The following TSPEAR variants were observed in gnomAD, a reference collection of about 807,000 sequenced individuals.
The protein encoded by TSPEAR is thrombospondin-type laminin G domain and EAR repeat-containing protein.
A neutral mutation model predicts 71.6 loss-of-function variants in TSPEAR; 69 were observed. The ratio of observed to expected loss-of-function variants is 0.96; its 90% CI spans 0.79 to 1.18. The LOEUF (loss-of-function observed/expected upper bound fraction) is 1.18, where lower values mean the gene tolerates loss of function less well. TSPEAR is among the 50% of genes most tolerant of loss of function. The pLI, the probability that TSPEAR is intolerant of heterozygous loss-of-function variation, is 0.00. For missense variants in TSPEAR, 971 were observed against 894.9 expected, an observed-to-expected ratio of 1.09 and a Z score of -1.09; for synonymous variants, 402 against 387.2, an observed-to-expected ratio of 1.04 and a Z score of -0.45.
chr21:44,641,488 G>T lies in TSPEAR; in HGVS notation c.82+69945C>A, dbSNP rs460249. On this transcript the variant is annotated intron_variant, in intron 1 of 11. Coordinates refer to ENST00000323084, the MANE Select transcript of TSPEAR (RefSeq NM_144991.3). ...AAGGACAGAGATAAAGCCAAGAAGA[G>T]CCTGAGATCTGAGTGGGAAGAGCCC... is the stretch of plus-strand genomic sequence containing the variant. Among the ~76,000 whole-genome samples the T allele has an allele frequency of 3.3e-5, 5 of 152,300 alleles. No individual in the cohort carries two copies. The East Asian group carries it at 9.7e-4, about 29-fold the overall frequency.
At chr21:44,516,801 G>C (rs587625739) in intron 9 of TSPEAR, among the ~76,000 whole-genome samples, 2 of 151,970 alleles carry the variant, frequency 1.3e-5, no homozygotes, top group Admixed American at 6.5e-5. Context: ...CTTCGTCCTT[G>C]GACCTGTGAT....
At chr21:44,685,648 C>T (rs149056120) in intron 1 of TSPEAR, among the ~76,000 whole-genome samples, 297 of 152,294 alleles carry the variant, frequency 2.0e-3, no homozygotes, top group African/African-American at 5.9e-3. Flanking sequence ...GCTCTGCAGA[C>T]GCCAACGTGG....
intron 2 of TSPEAR, among the ~76,000 whole-genome samples, chr21:44,549,596 C>T (rs782349171): frequency 3.9e-4 from 59 of 152,232 alleles, no homozygotes; most frequent in East Asian, 1.9e-4. Flanking sequence ...TTGCGGGCAA[C>T]GTGGTGACGG....
At chr21:44,551,181 G>A (rs782138371) in intron 2 of TSPEAR, 10 of 1,597,498 alleles carry the variant, frequency 6.3e-6, no homozygotes, top group Non-Finnish European at 1.7e-6. Flanking sequence ...CTGGCAGGGG[G>A]AGGAGGTGCA....
chr21:44,563,569 A>T (rs2053666558), intron 2 of TSPEAR, among the ~76,000 whole-genome samples: 1 of 146,420 alleles, frequency 6.8e-6, no homozygotes, highest in South Asian at 2.2e-4. Context: ...GTGAAGAAAG[A>T]ATATAAGGAC....
At chr21:44,645,211 C>T (rs1984245978) in intron 1 of TSPEAR, among the ~76,000 whole-genome samples, 1 of 152,048 alleles carries the variant, frequency 6.6e-6, no homozygotes. Flanking sequence ...TGAAATAATC[C>T]AGAGTGCAGC....
chr21:44,499,718 G>A lies in TSPEAR; in HGVS notation c.*65C>T. 1 of 1,478,958 alleles carries A rather than the reference G, an allele frequency of 6.8e-7. No individual in the cohort carries two copies. Among genetic ancestry groups the A allele is most frequent in the Non-Finnish European group, 9.0e-7 (1 of 1,112,224 alleles). 91.6% of individuals were successfully genotyped at this position (1,478,958 alleles called of 1,614,324 possible). A position where few individuals can be genotyped will look rare whatever the true frequency, so the allele number is the denominator to read the frequency against. On this transcript the variant is annotated 3_prime_UTR_variant, in exon 12 of 12. Coordinates refer to ENST00000323084, the MANE Select transcript of TSPEAR (RefSeq NM_144991.3). ...GGGCCCACCTGGACGTCCAGGGTCA[G>A]TTGGGGGAGGTGCTGGGGTCCCGCC...
intron 8 of TSPEAR, among the ~76,000 whole-genome samples, chr21:44,523,075 T>C (rs782086439): frequency 2.2e-4 from 31 of 141,024 alleles, no homozygotes; most frequent in African/African-American, 4.5e-4. Context: ...GTTAGTCAGT[T>C]AGTCAGTCAG....
chr21:44,654,242 C>T (rs1422094925), intron 1 of TSPEAR: 1 of 1,569,840 alleles, frequency 6.4e-7, no homozygotes, highest in Non-Finnish European at 8.8e-7. Flanking sequence ...GGCTTCTGAC[C>T]TCGCACCTAC....
chr21:44,539,192 G>T (rs1202179245), intron 2 of TSPEAR: 8 of 1,496,578 alleles, frequency 5.3e-6, no homozygotes, highest in Non-Finnish European at 7.1e-6. Flanking sequence ...GGGGAGACAC[G>T]GGGACCCGTC....
chr21:44,631,860 T>C (rs1555935787), intron 1 of TSPEAR, among the ~76,000 whole-genome samples: 1 of 152,142 alleles, frequency 6.6e-6, no homozygotes, highest in Admixed American at 6.5e-5. Context: ...CACTCAAAAC[T>C]ATTTGAAGAA....
intron 1 of TSPEAR, chr21:44,676,385 C>A: frequency 1.8e-6 from 2 of 1,120,266 alleles, no homozygotes. Flanking sequence ...GCAGGCATTT[C>A]TGCAGATGAG....
chr21:44,581,729 C>G (rs752715698), intron 1 of TSPEAR, among the ~76,000 whole-genome samples: 30 of 152,174 alleles, frequency 2.0e-4, no homozygotes, highest in Non-Finnish European at 2.9e-4. Context: ...TTAATTTTGT[C>G]TCACGATGAA....
At chr21:44,630,783 A>G (rs1188975559) in intron 1 of TSPEAR, among the ~76,000 whole-genome samples, 1 of 152,206 alleles carries the variant, frequency 6.6e-6, no homozygotes, top group Non-Finnish European at 1.5e-5. Context: ...GGAAAAAAAC[A>G]TCTTTTGACT....
At chr21:44,576,655 G>A (rs1415814541) in intron 1 of TSPEAR, among the ~76,000 whole-genome samples, 1 of 152,230 alleles carries the variant, frequency 6.6e-6, no homozygotes, top group Non-Finnish European at 1.5e-5. Flanking sequence ...AAACTACAGT[G>A]CTGTTTCCCT....
At chr21:44,535,293 T>G (rs2053069607) in intron 2 of TSPEAR, among the ~76,000 whole-genome samples, 1 of 152,190 alleles carries the variant, frequency 6.6e-6, no homozygotes, top group Non-Finnish European at 1.5e-5. Flanking sequence ...CACCAAGACC[T>G]CAGAGCTTTT....
rs1182418375 is a variant in TSPEAR, at chr21:44,627,185, C to T, written c.83-59180G>A. 8.7e-6 allele frequency: 14 copies of T among 1,612,862 alleles called. No individual in the cohort carries two copies. Among genetic ancestry groups the T allele is most frequent in the Non-Finnish European group, 1.1e-5 (13 of 1,179,860 alleles). On this transcript the variant is annotated intron_variant, in intron 1 of 11. Coordinates refer to ENST00000323084, the MANE Select transcript of TSPEAR (RefSeq NM_144991.3). ...CCCCACCCCAGCATGGCCGCGTCCACCATGTCCATCCGCTCCAGCGCTTAC... is the reference window on the plus strand; with the variant it reads ...CCCCACCCCAGCATGGCCGCGTCCATCATGTCCATCCGCTCCAGCGCTTAC...
intron 1 of TSPEAR, among the ~76,000 whole-genome samples, chr21:44,709,539 A>G (rs2146344128): frequency 6.6e-6 from 1 of 152,352 alleles, no homozygotes; most frequent in East Asian, 1.9e-4. Context: ...ACAACTCCAG[A>G]GAAGGCGCAT....
At chr21:44,672,577 A>AC (rs1361591990) in intron 1 of TSPEAR, among the ~76,000 whole-genome samples, 1 of 151,912 alleles carries the variant, frequency 6.6e-6, no homozygotes, top group African/African-American at 2.4e-5. Flanking sequence ...CTCAAAACAA[A>AC]AAAAAAAGAA....
Sources: gnomAD v4.1 joint callset for allele counts (sites outside exome capture counted in the v4.1 genomes callset) on GRCh38, gnomAD v4.1.1 for gene constraint, MANE v1.5 for transcripts, NCBI Gene and HGNC (gene_info 2026-07-23, HGNC 2026-07-21) for gene names.